Variants in ABR observed in about 807,000 individuals in gnomAD.
The protein encoded by ABR is ABR activator of RhoGEF and GTPase, also known as active breakpoint cluster region-related protein.
ABR carries 35 observed loss-of-function variants against 107.2 expected under a neutral mutation model. The ratio of observed to expected loss-of-function variants is 0.33; its 90% CI spans 0.25 to 0.43. The LOEUF is 0.43. Ranked by LOEUF, ABR falls within the 20% of genes least tolerant of loss-of-function variation. ABR has a pLI of 1.00. For synonymous variants in ABR, 498 were observed against 462.0 expected, an observed-to-expected ratio of 1.08 and a Z score of -1.00; for missense variants, 815 against 1,115.2, an observed-to-expected ratio of 0.73 and a Z score of 3.83.
At chr17:1,056,179 C>A in intron 13 of ABR, 70 bp from the exon 14 acceptor site, 1 of 1,358,104 alleles carries the variant, frequency 7.4e-7, no homozygotes, top group Admixed American at 1.7e-5. Context: ...CCCAGGCCGG[C>A]GGGAGGCAGA....
rs537564111 is a variant in ABR, at chr17:1,050,255, C to T, written c.1660-74G>A. 104 of 1,545,528 alleles carry T rather than the reference C, an allele frequency of 6.7e-5. No homozygotes were observed. The highest frequency in any genetic ancestry group is 5.9e-4 in the African/African-American group (43 of 73,258). On this transcript the variant is annotated intron_variant, in intron 15 of 22. Transcript: ENST00000302538. This position sits in a 1 kb window ranked among gnomAD's most constrained non-coding sequence, Gnocchi z 4.6. Reference sequence around the variant, plus strand: ...CTGGCTTTCCGGCAGGTGCGTGCCTCAGCTTTGCAAGGAGGAGGGAGTAAG... The same window carrying T: ...CTGGCTTTCCGGCAGGTGCGTGCCTTAGCTTTGCAAGGAGGAGGGAGTAAG...
rs1009192044 is a variant in ABR at position 1,150,502 on chromosome 17, G to A, written c.62-25135C>T. 2.0e-4 allele frequency among the ~76,000 whole-genome samples: 30 copies of A among 152,154 alleles called. No homozygotes were observed. The highest frequency in any genetic ancestry group is 7.2e-4 in the African/African-American group (30 of 41,434). ...AGCTGCAAGCAGCGGCACACGTGTG[G>A]GCAATACACAGGTTGCCCAAGCGCC... On this transcript the variant is annotated intron_variant, in intron 1 of 22. Coordinates refer to ENST00000302538, the MANE Select transcript of ABR (RefSeq NM_021962.5). The surrounding 1 kb of genome is among the most constrained non-coding windows in gnomAD (Gnocchi z 4.8).
chr17:1,087,825 T>A (rs2260608), intron 4 of ABR, among the ~76,000 whole-genome samples: 4 of 152,164 alleles, frequency 2.6e-5, no homozygotes, highest in African/African-American at 9.6e-5. Context: ...GAGCCAGCCG[T>A]GCGGAGGCCT....
At chr17:1,168,154 C>T (rs955571628) in intron 1 of ABR, among the ~76,000 whole-genome samples, 4 of 152,086 alleles carry the variant, frequency 2.6e-5, no homozygotes, top group South Asian at 2.1e-4. Flanking sequence ...GGCATGGTGG[C>T]GCACACCTGT....
intron 1 of ABR, among the ~76,000 whole-genome samples, chr17:1,143,912 C>T (rs765566493): frequency 7.9e-5 from 12 of 152,048 alleles, no homozygotes; most frequent in East Asian, 1.9e-4. Context: ...GTATTATCTG[C>T]GCAGTGTTTT....
At chr17:1,180,471 CT>C (rs2042098073), upstream of ABR, among the ~76,000 whole-genome samples, 1 of 152,174 alleles carries the variant, frequency 6.6e-6, no homozygotes, top group Non-Finnish European at 1.5e-5. Context: ...CACCCCTGAC[CT>C]CTGAGCGCGG....
intron 11 of ABR, 85 bp downstream of exon 11, chr17:1,058,660 G>C (rs2304961): frequency 1.7e-5 from 26 of 1,527,756 alleles, no homozygotes; most frequent in Non-Finnish European, 2.1e-5. Flanking sequence ...TTTCCGGTTC[G>C]TACAGGTCAG....
At chr17:1,224,139 G>A (rs2043171967) in intron 1 of ABR, among the ~76,000 whole-genome samples, 1 of 151,904 alleles carries the variant, frequency 6.6e-6, no homozygotes, top group Non-Finnish European at 1.5e-5. Context: ...CTCACACCTG[G>A]GGAGAGGCAG....
chr17:1,050,016 C>T lies in ABR; in HGVS notation c.1791+34G>A, dbSNP rs772033455. 3.1e-6 allele frequency: 5 copies of T among 1,595,022 alleles called. No individual in the cohort carries two copies. In the Admixed American group the frequency reaches 7.2e-5, roughly 23 times the overall value. On this transcript the variant is annotated intron_variant, in intron 16 of 22. Transcript: ENST00000302538. This position sits in a 1 kb window ranked among gnomAD's most constrained non-coding sequence, Gnocchi z 4.6. ...TTCAACTGGAACCACCTCCTGGAGGCTCCCTCAGCCTCGCCCCGGCGCCCT... is the reference window on the plus strand; with the variant it reads ...TTCAACTGGAACCACCTCCTGGAGGTTCCCTCAGCCTCGCCCCGGCGCCCT...
Position 1,078,542 on chromosome 17 carries a change from C to T in ABR, c.700+788G>A, listed in dbSNP as rs1328877268. On this transcript the variant is annotated intron_variant, in intron 6 of 22. Transcript: ENST00000302538. The surrounding 1 kb of genome is among the most constrained non-coding windows in gnomAD (Gnocchi z 7.5). The stretch of plus-strand genomic sequence containing the variant: ...TAACAGCCCCTCCAGGAAGTTCTCT[C>T]ACACTAGCCCACCAATTCCCCACCG... Among the ~76,000 whole-genome samples, 1 of 152,174 alleles carries T rather than the reference C, an allele frequency of 6.6e-6. No homozygotes were observed. Among genetic ancestry groups the T allele is most frequent in the East Asian group, 1.9e-4 (1 of 5,170 alleles).
intron 2 of ABR, among the ~76,000 whole-genome samples, chr17:1,107,381 T>C (rs1170453587): frequency 6.6e-6 from 1 of 152,236 alleles, no homozygotes; most frequent in East Asian, 1.9e-4. Context: ...CCAAGCACTG[T>C]GCAGTGTTCA....
intron 4 of ABR, among the ~76,000 whole-genome samples, chr17:1,088,749 C>T (rs1381447399): frequency 1.2e-4 from 18 of 151,666 alleles, no homozygotes; most frequent in Non-Finnish European, 2.4e-4. Context: ...TTATCATGCC[C>T]GGCTAATTTT....
At chr17:1,223,230 C>T (rs766421374) in intron 1 of ABR, among the ~76,000 whole-genome samples, 12 of 151,622 alleles carry the variant, frequency 7.9e-5, no homozygotes, top group East Asian at 1.9e-4. Context: ...AAAAATTAGC[C>T]GGGCTTGGTG....
intron 1 of ABR, among the ~76,000 whole-genome samples, chr17:1,142,717 G>C (rs939362801): frequency 3.7e-4 from 57 of 152,266 alleles, no homozygotes; most frequent in African/African-American, 1.4e-3. Flanking sequence ...TGTGGGATTC[G>C]CTGGGGAAGA....
At chr17:1,079,239 A>G (rs1368790089) in intron 6 of ABR, 91 bp downstream of exon 6, 44 of 1,537,542 alleles carry the variant, frequency 2.9e-5, no homozygotes, top group Non-Finnish European at 3.9e-5. Flanking sequence ...ACACGCACAC[A>G]CAAGGGGAAG....
intron 16 of ABR, among the ~76,000 whole-genome samples, chr17:1,041,605 C>T (rs563362969): frequency 9.0e-4 from 137 of 152,228 alleles, no homozygotes; most frequent in African/African-American, 3.1e-3. Context: ...TGGTGGCGGG[C>T]GCCTTTAATC....
At chr17:1,185,780 T>A (rs2042276393) in intron 1 of ABR, among the ~76,000 whole-genome samples, 1 of 152,018 alleles carries the variant, frequency 6.6e-6, no homozygotes, top group South Asian at 2.1e-4. Flanking sequence ...GTGGCCTGTT[T>A]TCCGTGCTTT....
At chr17:1,040,904 C>T (rs919979078) in intron 16 of ABR, among the ~76,000 whole-genome samples, 2 of 152,188 alleles carry the variant, frequency 1.3e-5, no homozygotes, top group Non-Finnish European at 2.9e-5. Context: ...CACTGGCTAA[C>T]GATCCAAGTT....
At chr17:1,108,804 G>T in intron 2 of ABR, 1 of 703,010 alleles carries the variant, frequency 1.4e-6, no homozygotes, top group Non-Finnish European at 1.9e-6. Flanking sequence ...ACAGCTGCCG[G>T]GGCCGGGACC....
Sources: allele counts gnomAD v4.1 joint callset (sites outside exome capture counted in the v4.1 genomes callset), GRCh38; gene constraint gnomAD v4.1.1; non-coding constraint Gnocchi (gnomAD v3.1); transcripts MANE v1.5; gene names NCBI Gene and HGNC (gene_info 2026-07-23, HGNC 2026-07-21).